Variants in DLGAP1 observed in about 807,000 individuals in gnomAD.
DLGAP1 encodes the protein DLG associated protein 1.
DLGAP1 carries 11 observed loss-of-function variants against 90.8 expected under a neutral mutation model. The ratio of observed to expected loss-of-function variants is 0.12; its 90% CI spans 0.08 to 0.20. The LOEUF (loss-of-function observed/expected upper bound fraction) is 0.20, where lower values mean the gene tolerates loss of function less well. DLGAP1 is among the 10% of genes least tolerant of loss of function. The pLI is 1.00. For missense variants in DLGAP1, 1,050 were observed against 1,333.8 expected (o/e 0.79, Z 3.31); for synonymous variants, 558 against 540.7 (o/e 1.03, Z -0.44).
At chr18:3,639,557 C>A (rs571459241) in intron 7 of DLGAP1, among the ~76,000 whole-genome samples, 5 of 151,706 alleles carry the variant, frequency 3.3e-5, no homozygotes, top group African/African-American at 9.7e-5. Flanking sequence ...GGAATCACAG[C>A]CCATTGGCTT....
At chr18:3,757,073 C>A (rs564770159) in intron 5 of DLGAP1, among the ~76,000 whole-genome samples, 31 of 152,232 alleles carry the variant, frequency 2.0e-4, no homozygotes, top group Non-Finnish European at 3.4e-4. Flanking sequence ...TATTTCCAAA[C>A]TCAATCCATG....
At chr18:3,817,730 A>C (rs2067176917) in intron 4 of DLGAP1, among the ~76,000 whole-genome samples, 1 of 152,236 alleles carries the variant, frequency 6.6e-6, no homozygotes, top group South Asian at 2.1e-4. Context: ...AAAGAGTGAA[A>C]TGTTACTGCC....
chr18:4,121,232 A>T (rs1012918105), intron 2 of DLGAP1, among the ~76,000 whole-genome samples: 2 of 152,120 alleles, frequency 1.3e-5, no homozygotes, highest in African/African-American at 4.8e-5. Context: ...AAACAGCAAG[A>T]GCAGAATCCC....
chr18:3,709,387 T>C (rs1017743281), intron 7 of DLGAP1, among the ~76,000 whole-genome samples: 7 of 152,234 alleles, frequency 4.6e-5, no homozygotes, highest in Non-Finnish European at 8.8e-5. Flanking sequence ...CAGAGCAGTA[T>C]TGTGCCAGCT....
chr18:3,656,871 C>T (rs551506770), intron 7 of DLGAP1, among the ~76,000 whole-genome samples: 155 of 152,134 alleles, frequency 1.0e-3, no homozygotes, highest in African/African-American at 3.3e-3. Flanking sequence ...CTCAGCCTCC[C>T]GAGTGGCTGG....
chr18:4,377,214 A>T (rs1403393634), intron 1 of DLGAP1, among the ~76,000 whole-genome samples: 2 of 152,104 alleles, frequency 1.3e-5, no homozygotes, highest in Admixed American at 6.6e-5. Context: ...CTAGAACTGG[A>T]TGCACAAGAG....
chr18:4,249,197 T>C (rs1398530963), intron 1 of DLGAP1, among the ~76,000 whole-genome samples: 1 of 152,188 alleles, frequency 6.6e-6, no homozygotes, highest in Non-Finnish European at 1.5e-5. Flanking sequence ...TCCCTCCAGA[T>C]GTGAACTACA....
chr18:3,747,487 A>C (rs765031367), intron 5 of DLGAP1, among the ~76,000 whole-genome samples: 3 of 152,156 alleles, frequency 2.0e-5, no homozygotes, highest in Non-Finnish European at 2.9e-5. Flanking sequence ...TTAGATGACA[A>C]ATGTGTTTCT....
chr18:4,251,556 A>G (rs1010436160), intron 1 of DLGAP1, among the ~76,000 whole-genome samples: 1 of 152,242 alleles, frequency 6.6e-6, no homozygotes, highest in African/African-American at 2.4e-5. Context: ...GCAGATGCCC[A>G]TGACAGTTTA....
At chr18:3,663,808 C>T (rs967608840) in intron 7 of DLGAP1, among the ~76,000 whole-genome samples, 10 of 152,112 alleles carry the variant, frequency 6.6e-5, no homozygotes, top group African/African-American at 2.4e-4. Context: ...CTTGACTGGG[C>T]CATGAGGTGC....
At position 3,898,033 on chromosome 18, in the gene DLGAP1, A is replaced by G. The variant is rs573627732; in HGVS notation, c.-72-17893T>C. On this transcript the variant is annotated intron_variant, in intron 3 of 12. Coordinates refer to ENST00000315677, the MANE Select transcript of DLGAP1 (RefSeq NM_004746.4). ...ATGGTCTCGATCTCCTGACCTCGTGATCCGCCCGCCTTGGCCTCCCAAAGT... is the reference window on the plus strand; with the variant it reads ...ATGGTCTCGATCTCCTGACCTCGTGGTCCGCCCGCCTTGGCCTCCCAAAGT... 3.6e-3 allele frequency among the ~76,000 whole-genome samples: 553 copies of G among 151,916 alleles called. 2 individuals carry two copies. Among genetic ancestry groups the G allele is most frequent in the Middle Eastern group, 6.8e-3 (2 of 294 alleles).
chr18:4,045,465 A>AAAAAAAAAAAAAAAAG (rs2075038289), intron 2 of DLGAP1, among the ~76,000 whole-genome samples: 1 of 130,192 alleles, frequency 7.7e-6, no homozygotes, highest in African/African-American at 2.9e-5. Flanking sequence ...AAAAAAAAAA[A>AAAAAAAAAAAAAAAAG]GCTTGCCCCT....
intron 2 of DLGAP1, among the ~76,000 whole-genome samples, chr18:4,026,891 C>T (rs1027086357): frequency 3.3e-5 from 5 of 152,160 alleles, no homozygotes; most frequent in Non-Finnish European, 5.9e-5. Flanking sequence ...AGGCACTAAG[C>T]TGCTGTTATT....
At chr18:3,693,585 TA>T in intron 7 of DLGAP1, among the ~76,000 whole-genome samples, 2 of 152,326 alleles carry the variant, frequency 1.3e-5, no homozygotes, top group African/African-American at 4.8e-5. Context: ...TGAAGATGAT[TA>T]AAAAGAAAAG....
chr18:3,874,294 G>T (rs755617521), intron 4 of DLGAP1: 3 of 1,545,550 alleles, frequency 1.9e-6, no homozygotes, highest in Admixed American at 3.9e-5. Context: ...TCTCTCTCTC[G>T]CTCCCTCTGT....
chr18:4,106,618 A>AGAACAGAG (rs1238859745), intron 2 of DLGAP1, among the ~76,000 whole-genome samples: 3 of 152,222 alleles, frequency 2.0e-5, no homozygotes, highest in African/African-American at 7.2e-5. Context: ...GGCAGAGGGC[A>AGAACAGAG]GAACAGAGGA....
chr18:3,580,091 C>T (rs890882131), intron 8 of DLGAP1: 2 of 823,398 alleles, frequency 2.4e-6, no homozygotes, highest in East Asian at 2.5e-5. Context: ...TTTGAATTAT[C>T]CTGCAGCTTG....
At position 3,880,082 on chromosome 18, in the gene DLGAP1, C is replaced by T. The variant is rs112355010; in HGVS notation, c.-14G>A. 7.3e-4 allele frequency: 1,169 copies of T among 1,596,320 alleles called. 8 individuals are homozygous for T. The African/African-American group carries it at 0.013, about 18-fold the overall frequency. ...TAGCCCTTTCATGGCGGACCGGAAG[C>T]AGCCGCCAGGGTCATGGACACCCGG... On this transcript the variant is annotated 5_prime_UTR_variant, in exon 4 of 13. Transcript: ENST00000315677.
At chr18:3,788,840 TATTGTTACA>T (rs1340505827) in intron 5 of DLGAP1, among the ~76,000 whole-genome samples, 5 of 152,192 alleles carry the variant, frequency 3.3e-5, no homozygotes, top group African/African-American at 1.2e-4. Context: ...ACATGTCCAT[TATTGTTACA>T]GCCACCTAAA....
Sources: gnomAD v4.1 joint callset for allele counts (sites outside exome capture counted in the v4.1 genomes callset) on GRCh38, gnomAD v4.1.1 for gene constraint, MANE v1.5 for transcripts, NCBI Gene and HGNC (gene_info 2026-07-23, HGNC 2026-07-21) for gene names.